Variants in PCDH7 observed in about 807,000 individuals in gnomAD.
PCDH7 encodes the protein protocadherin 7.
A neutral mutation model predicts 58.9 loss-of-function variants in PCDH7; 17 were observed. The observed-to-expected ratio is 0.29, with a 90% confidence interval of 0.20 to 0.43. The LOEUF (loss-of-function observed/expected upper bound fraction) is 0.43, where lower values mean the gene tolerates loss of function less well. Ranked by LOEUF, PCDH7 falls within the 20% of genes least tolerant of loss-of-function variation. PCDH7 has a pLI of 1.00. For synonymous variants in PCDH7, 664 were observed against 616.4 expected, an observed-to-expected ratio of 1.08 and a Z score of -1.14; for missense variants, 1,274 against 1,441.0, an observed-to-expected ratio of 0.88 and a Z score of 1.88.
intron 1 of PCDH7, among the ~76,000 whole-genome samples, chr4:30,779,695 T>C (rs982492982): frequency 2.6e-5 from 4 of 152,236 alleles, no homozygotes; most frequent in African/African-American, 9.6e-5. Context: ...AAGTCTCAAT[T>C]AATTCCTTGG....
intron 3 of PCDH7, among the ~76,000 whole-genome samples, chr4:31,057,732 C>T (rs1757367371): frequency 6.6e-6 from 1 of 152,134 alleles, no homozygotes; most frequent in Non-Finnish European, 1.5e-5. Context: ...ATCTCCATCA[C>T]TACAACCAGC....
chr4:30,725,553 G>A (rs185287486), intron 1 of PCDH7, among the ~76,000 whole-genome samples: 3 of 152,262 alleles, frequency 2.0e-5, no homozygotes, highest in Admixed American at 2.0e-4. Flanking sequence ...GTGTAATATA[G>A]CATCCTCAGA....
intron 3 of PCDH7, among the ~76,000 whole-genome samples, chr4:30,971,967 A>G: frequency 6.6e-6 from 1 of 152,210 alleles, no homozygotes; most frequent in East Asian, 1.9e-4. Context: ...TCAAAAAAAT[A>G]AAAATAAAAT....
At chr4:30,863,845 C>T (rs1236313033) in intron 1 of PCDH7, among the ~76,000 whole-genome samples, 1 of 152,038 alleles carries the variant, frequency 6.6e-6, no homozygotes, top group Non-Finnish European at 1.5e-5. Context: ...ATTGTGTATT[C>T]TGTGCAGAAA....
intron 3 of PCDH7, among the ~76,000 whole-genome samples, chr4:31,115,739 T>C (rs1032382852): frequency 1.3e-5 from 2 of 152,224 alleles, no homozygotes; most frequent in Non-Finnish European, 1.5e-5. Context: ...AGGAGGAAGC[T>C]ATATTGAATT....
intron 3 of PCDH7, among the ~76,000 whole-genome samples, chr4:31,085,242 A>T (rs1297238641): frequency 6.6e-6 from 1 of 151,980 alleles, no homozygotes; most frequent in Admixed American, 6.6e-5. Context: ...GCAAGATCAG[A>T]TGGCCAGTTT....
intron 1 of PCDH7, among the ~76,000 whole-genome samples, chr4:30,827,026 A>G (rs1442521734): frequency 2.0e-5 from 3 of 152,168 alleles, no homozygotes; most frequent in African/African-American, 4.8e-5. Context: ...GTCAATGTGT[A>G]TATAAACAAT....
chr4:30,871,166 A>G (rs759858925), intron 1 of PCDH7, among the ~76,000 whole-genome samples: 2 of 152,096 alleles, frequency 1.3e-5, no homozygotes, highest in Non-Finnish European at 2.9e-5. Context: ...GAGAAATTTG[A>G]TTTTATGCTT....
chr4:30,901,602 A>T (rs1740226157), intron 1 of PCDH7, among the ~76,000 whole-genome samples: 1 of 152,172 alleles, frequency 6.6e-6, no homozygotes, highest in Non-Finnish European at 1.5e-5. Flanking sequence ...GCTGTAAGAA[A>T]ATGACTACAA....
At chr4:31,077,079 A>G (rs1009544989) in intron 3 of PCDH7, among the ~76,000 whole-genome samples, 6 of 152,218 alleles carry the variant, frequency 3.9e-5, no homozygotes, top group Non-Finnish European at 8.8e-5. Flanking sequence ...GCATATATGT[A>G]TATACATACA....
At chr4:30,945,679 T>G (rs1275277006) in intron 2 of PCDH7, among the ~76,000 whole-genome samples, 1 of 152,178 alleles carries the variant, frequency 6.6e-6, no homozygotes, top group East Asian at 1.9e-4. Flanking sequence ...TACATGATTA[T>G]GCACTTTGTA....
At chr4:31,054,403 G>A (rs1756988922) in intron 3 of PCDH7, among the ~76,000 whole-genome samples, 1 of 152,156 alleles carries the variant, frequency 6.6e-6, no homozygotes, top group African/African-American at 2.4e-5. Context: ...GTCCCAAAAG[G>A]GTTGATGATT....
chr4:30,791,228 T>C (rs1724083512), intron 1 of PCDH7, among the ~76,000 whole-genome samples: 2 of 152,090 alleles, frequency 1.3e-5, no homozygotes, highest in South Asian at 2.1e-4. Flanking sequence ...CAGAATATCA[T>C]AGTGATTAAG....
At chr4:30,847,474 C>CATTAATGTCT (rs1380076635) in intron 1 of PCDH7, among the ~76,000 whole-genome samples, 1 of 152,156 alleles carries the variant, frequency 6.6e-6, no homozygotes, top group Non-Finnish European at 1.5e-5. Context: ...CATCCACATG[C>CATTAATGTCT]ATTAATGTCT....
At chr4:31,124,167 C>G (rs116251714) in intron 3 of PCDH7, among the ~76,000 whole-genome samples, 2 of 152,278 alleles carry the variant, frequency 1.3e-5, no homozygotes, top group African/African-American at 4.8e-5. Context: ...GGAGCCCTCA[C>G]CAGGGACCTT....
chr4:30,842,870 G>A (rs979676337), intron 1 of PCDH7, among the ~76,000 whole-genome samples: 8 of 152,094 alleles, frequency 5.3e-5, no homozygotes, highest in East Asian at 3.9e-4. Flanking sequence ...AATTTTTATA[G>A]CACTCTTTTA....
intron 1 of PCDH7, among the ~76,000 whole-genome samples, chr4:30,835,255 TGTTAGTAACCG>T (rs1730338703): frequency 6.6e-6 from 1 of 152,104 alleles, no homozygotes; most frequent in Non-Finnish European, 1.5e-5. Flanking sequence ...GTTCATGGCC[TGTTAGTAACCG>T]GGCCACACAG....
At chr4:30,937,523 C>T (rs1410792894) in intron 2 of PCDH7, among the ~76,000 whole-genome samples, 1 of 151,970 alleles carries the variant, frequency 6.6e-6, no homozygotes, top group Non-Finnish European at 1.5e-5. Flanking sequence ...ATTGAACTTG[C>T]TCAAACTTGC....
In PCDH7 at chr4:31,029,050, T is replaced by C. The variant is rs560531824; in HGVS notation, c.*7+78835T>C. ...TCAGAAACAATTACAAAATTTTATCTCTACCACCTGAAGTGTAGCAAATTT... is the reference window on the plus strand; with the variant it reads ...TCAGAAACAATTACAAAATTTTATCCCTACCACCTGAAGTGTAGCAAATTT... On this transcript the variant is annotated intron_variant, in intron 3 of 3. Transcript: ENST00000509759. 2.0e-5 allele frequency among the ~76,000 whole-genome samples: 3 copies of C among 152,320 alleles called. No individual in the cohort carries two copies. The East Asian group carries it at 5.8e-4, about 29-fold the overall frequency.
Sources: allele counts gnomAD v4.1 joint callset (sites outside exome capture counted in the v4.1 genomes callset), GRCh38; gene constraint gnomAD v4.1.1; transcripts MANE v1.5; gene names NCBI Gene and HGNC (gene_info 2026-07-23, HGNC 2026-07-21).